Variants in GIP observed in about 807,000 individuals in gnomAD.
The protein encoded by GIP is gastric inhibitory polypeptide.
In GIP, 16 loss-of-function variants were observed where a neutral mutation model predicts 18.1. The ratio of observed to expected loss-of-function variants is 0.88; its 90% confidence interval spans 0.60 to 1.34. The LOEUF is 1.34. GIP is among the 40% of genes most tolerant of loss of function. GIP has a pLI of 0.00. For synonymous variants in GIP, 76 were observed against 74.0 expected (o/e 1.03, Z -0.14); for missense variants, 192 against 183.4 (o/e 1.05, Z -0.27).
In GIP at chr17:48,965,138, C is replaced by CAAAAA. The variant is rs33956589; in HGVS notation, c.87-663_87-659dup. Among the ~76,000 whole-genome samples the CAAAAA allele has an allele frequency of 1.7e-3, 187 of 109,622 alleles. 56 individuals carry two copies. The highest frequency in any genetic ancestry group is 8.3e-3 in the African/African-American group (175 of 21,134). 71.9% of individuals were successfully genotyped at this position (109,622 alleles called of 152,430 possible). On this transcript the variant is annotated intron_variant, in intron 2 of 5. Coordinates refer to ENST00000357424, the MANE Select transcript of GIP (RefSeq NM_004123.3). Reference sequence around the variant, plus strand: ...TGGGAGACAGAGCGAGACTCCGTCTCAAAAAAAAAAAAATTAGCCAGGCGT... The same window carrying CAAAAA: ...TGGGAGACAGAGCGAGACTCCGTCTCAAAAAAAAAAAAAAAAAATTAGCCAGGCGT...
chr17:48,966,071 A>C (rs60821897), intron 2 of GIP, among the ~76,000 whole-genome samples: 5,304 of 152,040 alleles, frequency 0.035, 278 homozygotes, highest in African/African-American at 0.12. Flanking sequence ...CAGCATGGCC[A>C]AGATGGTGAA....
rs1416517223 is a variant in GIP at position 48,964,433 on chromosome 17, G to C, written c.134C>G (p.Pro45Arg). 1.2e-6 allele frequency: 2 copies of C among 1,613,948 alleles called. No homozygotes were observed. The highest frequency in any genetic ancestry group is 2.7e-5 in the African/African-American group (2 of 74,896). ...CGCGTACCTGGGGCCTCGAGGTTGA[G>C]GGCTGCTCACCTTAGCATGAGATCC... ...PVGSHAKVSS[P>R]QPRGPRYAEG... Residue 45 changes from proline to arginine, a missense_variant, in exon 3 of 6, where the codon CCT becomes CGT. Coordinates refer to ENST00000357424, the MANE Select transcript of GIP (RefSeq NM_004123.3).
intron 3 of GIP, among the ~76,000 whole-genome samples, chr17:48,963,841 C>CAAAAAAAAAAAA (rs60257330): frequency 2.8e-5 from 1 of 35,868 alleles, no homozygotes; most frequent in Non-Finnish European, 4.2e-5. Flanking sequence ...AACTCTGTCT[C>CAAAAAAAAAAAA]AAAAAAAAAA....
intron 5 of GIP, 40 bp downstream of exon 5, chr17:48,960,846 G>A (rs2041196675): frequency 1.6e-6 from 2 of 1,236,642 alleles, no homozygotes; most frequent in Non-Finnish European, 1.2e-6. Context: ...TGATGCCCAA[G>A]CTCAAGTTAG....
intron 2 of GIP, among the ~76,000 whole-genome samples, chr17:48,965,885 C>T (rs2041233429): frequency 6.6e-6 from 1 of 152,108 alleles, no homozygotes; most frequent in South Asian, 2.1e-4. Context: ...TTATTATTGT[C>T]TTATTATCTG....
chr17:48,965,985 C>T (rs568849567), intron 2 of GIP, among the ~76,000 whole-genome samples: 11 of 152,068 alleles, frequency 7.2e-5, no homozygotes, highest in African/African-American at 1.7e-4. Flanking sequence ...ACAGGCCAGG[C>T]GCAGTGGCTC....
At chr17:48,968,199 C>A (rs375930897) in intron 1 of GIP, among the ~76,000 whole-genome samples, 2 of 151,994 alleles carry the variant, frequency 1.3e-5, no homozygotes, top group African/African-American at 2.4e-5. Context: ...CTCAGGCAAA[C>A]CTTTCACTTC....
At chr17:48,958,748 G>A in intron 5 of GIP, 32 bp from the exon 6 acceptor site, 1 of 1,566,802 alleles carries the variant, frequency 6.4e-7, no homozygotes, top group Non-Finnish European at 8.7e-7. Flanking sequence ...GAAGAAGGTT[G>A]TTATGGACTT....
intron 5 of GIP, 144 bp from the exon 6 acceptor site, chr17:48,958,860 T>A: frequency 1.9e-6 from 1 of 540,072 alleles, no homozygotes; most frequent in Non-Finnish European, 3.2e-6. Flanking sequence ...AATTTACTTT[T>A]TTTTTTTTTT....
intron 5 of GIP, among the ~76,000 whole-genome samples, chr17:48,958,918 G>T (rs2041183955): frequency 6.7e-6 from 1 of 149,258 alleles, no homozygotes; most frequent in South Asian, 2.1e-4. Context: ...GCAGTGGCGC[G>T]ATCTCGGCTC....
At chr17:48,967,625 T>C (rs1157101610) in intron 1 of GIP, among the ~76,000 whole-genome samples, 1 of 150,856 alleles carries the variant, frequency 6.6e-6, no homozygotes, top group Non-Finnish European at 1.5e-5. Context: ...CCCAAAGTGC[T>C]GGGATAACAG....
intron 3 of GIP, 34 bp downstream of exon 3, chr17:48,964,276 A>G (rs759435707): frequency 6.3e-7 from 1 of 1,582,064 alleles, no homozygotes; most frequent in East Asian, 2.2e-5. Flanking sequence ...AGAGCCCGGC[A>G]CAGGGAACAG....
At position 48,965,138 on chromosome 17, in the gene GIP, C is replaced by CAAAAAAAAAAAAAAAAAAAAAAAA. The variant is rs33956589; in HGVS notation, c.87-659_87-658insTTTTTTTTTTTTTTTTTTTTTTTT. Among the ~76,000 whole-genome samples the CAAAAAAAAAAAAAAAAAAAAAAAA allele has an allele frequency of 7.3e-3, 796 of 109,286 alleles. 175 individuals carry two copies. The highest frequency in any genetic ancestry group is 0.02 in the African/African-American group (415 of 20,974). 71.7% of individuals were successfully genotyped at this position (109,286 alleles called of 152,430 possible). A position where few individuals can be genotyped will look rare whatever the true frequency, so the allele number is the denominator to read the frequency against. On this transcript the variant is annotated intron_variant, in intron 2 of 5. Transcript: ENST00000357424. ...TGGGAGACAGAGCGAGACTCCGTCTCAAAAAAAAAAAAATTAGCCAGGCGT... is the reference window on the plus strand; with the variant it reads ...TGGGAGACAGAGCGAGACTCCGTCTCAAAAAAAAAAAAAAAAAAAAAAAAAAAAAAAAAAAAATTAGCCAGGCGT...
At chr17:48,958,738 G>T in intron 5 of GIP, 22 bp from the exon 6 acceptor site, 1 of 1,572,814 alleles carries the variant, frequency 6.4e-7, no homozygotes, top group South Asian at 1.2e-5. Flanking sequence ...GGGGAAAGGA[G>T]AAGAAGGTTG....
intron 3 of GIP, among the ~76,000 whole-genome samples, chr17:48,963,481 C>T: frequency 6.6e-6 from 1 of 150,676 alleles, no homozygotes. Context: ...CATGGTGAAA[C>T]CCTGTCTCTA....
chr17:48,960,879 C>T lies in GIP; in HGVS notation c.452+7G>A, dbSNP rs779588432. ...TAGAACCGCTGTGCAACACCACACT[C>T]CCCTACCTGAGCCTGCAGAGGTTTG... On this transcript the variant is annotated splice_region_variant and intron_variant, in intron 5 of 5. Transcript: ENST00000357424. 1.3e-6 allele frequency: 2 copies of T among 1,551,026 alleles called. No individual in the cohort carries two copies. The highest frequency in any genetic ancestry group is 1.2e-5 in the South Asian group (1 of 85,952).
rs1049929169 is a variant in GIP at position 48,961,838 on chromosome 17, G to A, written c.258-19C>T. On this transcript the variant is annotated intron_variant, in intron 3 of 5. Transcript: ENST00000357424. ...TTTCCAGCTGGGAAGATAAAGATTA[G>A]AGAGTGGGCAAGCTGCGGAGACTCC... is the stretch of plus-strand genomic sequence containing the variant. 20 of 1,578,564 alleles carry A rather than the reference G, an allele frequency of 1.3e-5. No homozygotes were observed. The highest frequency in any genetic ancestry group is 1.7e-5 in the Non-Finnish European group (19 of 1,150,772).
chr17:48,961,621 C>T (rs2041200685), intron 4 of GIP, 106 bp downstream of exon 4: 5 of 690,606 alleles, frequency 7.2e-6, no homozygotes, highest in South Asian at 3.4e-5. Flanking sequence ...GAAGAGGATG[C>T]TTATCTCAGG....
At chr17:48,958,919 AT>A (rs981649538) in intron 5 of GIP, among the ~76,000 whole-genome samples, 1 of 143,820 alleles carries the variant, frequency 7.0e-6, no homozygotes, top group African/African-American at 2.6e-5. Flanking sequence ...CAGTGGCGCG[AT>A]CTCGGCTCAC....
Sources: gnomAD v4.1 joint callset for allele counts (sites outside exome capture counted in the v4.1 genomes callset) on GRCh38, gnomAD v4.1.1 for gene constraint, MANE v1.5 for transcripts, NCBI Gene and HGNC (gene_info 2026-07-23, HGNC 2026-07-21) for gene names.